DMGDH: variants seen among roughly 807,000 people sequenced by gnomAD.
DMGDH encodes dimethylglycine dehydrogenase, also known as dimethylglycine dehydrogenase, mitochondrial.
Under a neutral mutation model 95.2 loss-of-function variants are expected in DMGDH, and 76 were observed. That is an observed-to-expected ratio of 0.80 (90% confidence interval 0.66 to 0.97). DMGDH has a LOEUF of 0.97. Among genes scored for constraint, DMGDH ranks in the 50% least tolerant of loss-of-function variants. DMGDH has a pLI of 0.00. For missense variants in DMGDH, 987 were observed against 1,055.0 expected, an observed-to-expected ratio of 0.94 and a Z score of 0.89; for synonymous variants, 345 against 377.6, an observed-to-expected ratio of 0.91 and a Z score of 1.00.
intron 4 of DMGDH, 41 bp downstream of exon 4, chr5:79,054,143 C>G (rs906249367): frequency 6.2e-7 from 1 of 1,606,094 alleles, no homozygotes; most frequent in Admixed American, 1.7e-5. Context: ...CTAATTTTTA[C>G]TTAAGTCAAC....
chr5:79,040,320 G>GA (rs1269843690), intron 7 of DMGDH, among the ~76,000 whole-genome samples: 1 of 152,126 alleles, frequency 6.6e-6, no homozygotes, highest in Non-Finnish European at 1.5e-5. Context: ...AAAGGAATCA[G>GA]AAAAAAGACA....
At chr5:79,002,360 A>G (rs1753468669) in intron 15 of DMGDH, among the ~76,000 whole-genome samples, 1 of 152,212 alleles carries the variant, frequency 6.6e-6, no homozygotes, top group Non-Finnish European at 1.5e-5. Flanking sequence ...CTTTCTCATG[A>G]CCATCTTTAT....
chr5:79,038,988 C>G lies in DMGDH; in HGVS notation c.1193+3295G>C, dbSNP rs949493800. Among the ~76,000 whole-genome samples the G allele has an allele frequency of 7.3e-5, 11 of 151,544 alleles. 1 individual carries two copies. Among genetic ancestry groups the G allele is most frequent in the African/African-American group, 2.4e-4 (10 of 41,210 alleles). On this transcript the variant is annotated intron_variant, in intron 7 of 15. Coordinates refer to ENST00000255189, the MANE Select transcript of DMGDH (RefSeq NM_013391.3). ...ATCATCACTGGCCATCAGAGAAATG[C>G]AAATCAAAACCACAATGAGATACCA...
At chr5:79,024,746 T>TA (rs1411146973) in intron 13 of DMGDH, among the ~76,000 whole-genome samples, 1 of 152,222 alleles carries the variant, frequency 6.6e-6, no homozygotes, top group Non-Finnish European at 1.5e-5. Flanking sequence ...GGAAAGCAGA[T>TA]AGTAGGAAGG....
chr5:79,017,067 TA>T (rs562104197), intron 14 of DMGDH, among the ~76,000 whole-genome samples: 36 of 152,080 alleles, frequency 2.4e-4, no homozygotes, highest in African/African-American at 8.4e-4. Context: ...GACCTAAATG[TA>T]AAAAGTAAAA....
intron 11 of DMGDH, among the ~76,000 whole-genome samples, chr5:79,028,943 C>T (rs1453579722): frequency 6.6e-6 from 1 of 152,144 alleles, no homozygotes; most frequent in Non-Finnish European, 1.5e-5. Flanking sequence ...AGTGACACAG[C>T]CCTTTTGCAT....
rs139396226 is a variant in DMGDH, at chr5:79,051,338, C to T, written c.694G>A (p.Val232Ile). ...CTCATAGACCCCTGTGGTGTTTCAA[C>T]GTCCCATGTTCCATCTGACCTGGCT... ...LKARSDGTWD[V>I]ETPQGSMRAN... Residue 232 changes from valine (V) to isoleucine (I), a missense_variant, in exon 5 of 16, where the codon GTT becomes ATT. Val to Ile is a conservative substitution (Grantham distance 29). Transcript: ENST00000255189. 1.4e-4 allele frequency: 230 copies of T among 1,614,192 alleles called. No homozygotes were observed. In the East Asian group the frequency reaches 3.8e-3, roughly 27 times the overall value.
intron 10 of DMGDH, 100 bp downstream of exon 10, chr5:79,030,732 AG>A: frequency 4.2e-6 from 5 of 1,196,040 alleles, no homozygotes; most frequent in Non-Finnish European, 1.2e-6. Context: ...GAAGAGTTCT[AG>A]TGTTCATCCA....
In DMGDH at chr5:79,032,799, G is replaced by A. The variant is rs772825572; in HGVS notation, c.1405C>T (p.Gln469Ter). 15 of 1,614,178 alleles carry A rather than the reference G, an allele frequency of 9.3e-6. No homozygotes were observed. The highest frequency in any genetic ancestry group is 1.3e-5 in the Non-Finnish European group (15 of 1,180,038). Residue 469 changes from glutamine to a stop codon, truncating the protein, a stop_gained, in exon 9 of 16, where the codon CAA (glutamine) becomes TAA (stop). Coordinates refer to ENST00000255189, the MANE Select transcript of DMGDH (RefSeq NM_013391.3). LOFTEE classifies it high-confidence loss of function. The stretch of plus-strand genomic sequence containing the variant: ...CTTTGATAGAGCCCACTGACTCGTT[G>A]AGTCGGCCTCCCAGCAAACCGTTCT... ...KEERFAGRPTQRVSGLYQRLE... is the reference protein window; with the variant it reads ...KEERFAGRPT
At chr5:79,020,428 CTTG>C (rs1466188168) in intron 14 of DMGDH, among the ~76,000 whole-genome samples, 2 of 152,140 alleles carry the variant, frequency 1.3e-5, no homozygotes, top group African/African-American at 2.4e-5. Context: ...TTCTTTCTAG[CTTG>C]TTGTCTGTGA....
chr5:79,050,273 A>AAAATATATATATATAT (rs1554037270), intron 5 of DMGDH, among the ~76,000 whole-genome samples: 1 of 20,916 alleles, frequency 4.8e-5, no homozygotes, highest in African/African-American at 1.6e-4. Flanking sequence ...AAAAAAAAAA[A>AAAATATATATATATAT]ATATATATAT....
intron 7 of DMGDH, among the ~76,000 whole-genome samples, chr5:79,038,492 A>G (rs553855744): frequency 1.3e-5 from 2 of 152,308 alleles, no homozygotes; most frequent in South Asian, 4.1e-4. Context: ...AAATAAATAA[A>G]TAAAAGACAG....
chr5:79,063,671 A>G lies in DMGDH; in HGVS notation c.218T>C (p.Met73Thr). ...TTTCTCCAGCAGGACCACATCTTTC[A>G]TCCCTGCTTTGGCCAGGTGATAAGC... Reference protein sequence around the residue: ...SLAYHLAKAGMKDVVLLEKSE... With the variant: ...SLAYHLAKAGTKDVVLLEKSE... Residue 73 changes from methionine (M) to threonine (T), a missense_variant, in exon 2 of 16, where the codon ATG (methionine) becomes ACG (threonine). Coordinates refer to ENST00000255189, the MANE Select transcript of DMGDH (RefSeq NM_013391.3). 6.2e-7 allele frequency: 1 copy of G among 1,614,138 alleles called. No individual in the cohort carries two copies. Among genetic ancestry groups the G allele is most frequent in the Non-Finnish European group, 8.5e-7 (1 of 1,180,018 alleles).
At chr5:79,041,435 C>A (rs527715560) in intron 7 of DMGDH, among the ~76,000 whole-genome samples, 2 of 152,190 alleles carry the variant, frequency 1.3e-5, no homozygotes, top group African/African-American at 4.8e-5. Context: ...ATTAATGGAA[C>A]AAACATCAGA....
chr5:79,049,527 T>C (rs892738830), intron 5 of DMGDH, among the ~76,000 whole-genome samples: 7 of 152,214 alleles, frequency 4.6e-5, no homozygotes, highest in Non-Finnish European at 1.0e-4. Context: ...TATGTTACTT[T>C]AGTATTTGCT....
At chr5:79,019,709 A>C (rs1013013594) in intron 14 of DMGDH, among the ~76,000 whole-genome samples, 2 of 152,062 alleles carry the variant, frequency 1.3e-5, no homozygotes, top group African/African-American at 2.4e-5. Context: ...ACAAGGTGAA[A>C]CCTCGTCTCT....
chr5:79,037,393 G>C (rs1754375703), intron 7 of DMGDH, among the ~76,000 whole-genome samples: 1 of 152,170 alleles, frequency 6.6e-6, no homozygotes, highest in Non-Finnish European at 1.5e-5. Flanking sequence ...CCAGAGCCAT[G>C]GAATGAGTGC....
At chr5:79,001,683 A>G (rs1753457616) in intron 15 of DMGDH, among the ~76,000 whole-genome samples, 1 of 152,200 alleles carries the variant, frequency 6.6e-6, no homozygotes, top group African/African-American at 2.4e-5. Context: ...ACATCCCAGC[A>G]GTGATTTGTC....
intron 5 of DMGDH, among the ~76,000 whole-genome samples, chr5:79,045,685 T>A (rs1200534091): frequency 1.3e-5 from 2 of 152,252 alleles, no homozygotes; most frequent in African/African-American, 4.8e-5. Context: ...TGCTTGTTTG[T>A]TTCATAATAA....
Sources: allele counts gnomAD v4.1 joint callset (sites outside exome capture counted in the v4.1 genomes callset), GRCh38; gene constraint gnomAD v4.1.1; transcripts MANE v1.5; gene names NCBI Gene and HGNC (gene_info 2026-07-23, HGNC 2026-07-21).